Variants in ZNF423 observed in about 807,000 individuals in gnomAD.
The protein encoded by ZNF423 is zinc finger protein 423.
In ZNF423, 12 loss-of-function variants were observed where a neutral mutation model predicts 95.8. That is an observed-to-expected ratio of 0.13 (90% CI 0.08 to 0.20). The LOEUF (loss-of-function observed/expected upper bound fraction) is 0.20, where lower values mean the gene tolerates loss of function less well. Ranked by LOEUF, ZNF423 falls within the 10% of genes least tolerant of loss-of-function variation. The probability of loss-of-function intolerance (pLI) is 1.00; values close to 1 mark genes in which losing one functional copy is unlikely to be tolerated. For missense variants in ZNF423, 1,316 were observed against 1,737.1 expected (o/e 0.76, Z 4.31); for synonymous variants, 749 against 711.9 (o/e 1.05, Z -0.83).
At chr16:49,814,028 T>C (rs4076548) in intron 1 of ZNF423, among the ~76,000 whole-genome samples, 111,684 of 152,150 alleles carry the variant, frequency 0.73, 41,097 homozygotes, top group Middle Eastern at 0.77. Context: ...ACTCCCACTT[T>C]TTACTCCTGG....
At chr16:49,625,161 G>A (rs1181087810) in intron 5 of ZNF423, among the ~76,000 whole-genome samples, 4 of 152,176 alleles carry the variant, frequency 2.6e-5, no homozygotes, top group East Asian at 1.9e-4. Flanking sequence ...GGTGGATCAC[G>A]AGGTCAGGAG....
intron 3 of ZNF423, among the ~76,000 whole-genome samples, chr16:49,694,826 G>A (rs1265337958): frequency 6.6e-6 from 1 of 152,194 alleles, no homozygotes; most frequent in Non-Finnish European, 1.5e-5. Context: ...AGAGCCTTGG[G>A]AAATACTTGT....
chr16:49,762,725 G>A (rs1241748194), intron 2 of ZNF423, among the ~76,000 whole-genome samples: 1 of 152,174 alleles, frequency 6.6e-6, no homozygotes, highest in Non-Finnish European at 1.5e-5. Flanking sequence ...TCCGCTCTCG[G>A]GAACGGCCTA....
intron 1 of ZNF423, among the ~76,000 whole-genome samples, chr16:49,840,021 C>G (rs907214577): frequency 2.0e-5 from 3 of 152,222 alleles, no homozygotes. Flanking sequence ...GTGGTGGCCA[C>G]AGCACCTTGA....
chr16:49,516,788 A>G (rs1331170254), intron 7 of ZNF423, among the ~76,000 whole-genome samples: 2 of 152,314 alleles, frequency 1.3e-5, no homozygotes, highest in African/African-American at 4.8e-5. Context: ...GCCACAGCTC[A>G]CTGGAGCAGG....
At chr16:49,531,950 G>T (rs907858110) in intron 5 of ZNF423, among the ~76,000 whole-genome samples, 1 of 152,166 alleles carries the variant, frequency 6.6e-6, no homozygotes, top group Admixed American at 6.5e-5. Context: ...CCGTGTTTGG[G>T]GCGTCCATTA....
At chr16:49,771,908 G>T (rs2034042144) in intron 2 of ZNF423, among the ~76,000 whole-genome samples, 1 of 152,144 alleles carries the variant, frequency 6.6e-6, no homozygotes, top group African/African-American at 2.4e-5. Flanking sequence ...CTTAGCCAGG[G>T]TTCTCCCAAG....
chr16:49,559,204 T>C (rs932027519), intron 5 of ZNF423, among the ~76,000 whole-genome samples: 3 of 152,276 alleles, frequency 2.0e-5, no homozygotes, highest in African/African-American at 7.2e-5. Flanking sequence ...TACTGACTTA[T>C]CTGTGGCTTG....
At chr16:49,665,260 T>C (rs943326242) in intron 3 of ZNF423, among the ~76,000 whole-genome samples, 1 of 152,196 alleles carries the variant, frequency 6.6e-6, no homozygotes, top group African/African-American at 2.4e-5. Flanking sequence ...AATTCACCCA[T>C]TTAGTTATTC....
chr16:49,494,971 T>C (rs987255266), intron 7 of ZNF423, among the ~76,000 whole-genome samples: 3 of 151,902 alleles, frequency 2.0e-5, no homozygotes, highest in Non-Finnish European at 4.4e-5. Context: ...TTTAGCCCCT[T>C]TAGAGAAGGA....
At position 49,855,013 on chromosome 16, in the gene ZNF423, G is replaced by C; in HGVS notation, c.40+722C>G. ...CGCACCGCGGCCGCTGAGCTCCCCTGAGGACCTGCGTCCCGCCGGCGCCGT... is the reference window on the plus strand; with the variant it reads ...CGCACCGCGGCCGCTGAGCTCCCCTCAGGACCTGCGTCCCGCCGGCGCCGT... On this transcript the variant is annotated intron_variant, in intron 1 of 7. Transcript: ENST00000563137. This position sits in a 1 kb window ranked among gnomAD's most constrained non-coding sequence, Gnocchi z 4.7. The C allele has an allele frequency of 1.0e-6, 1 of 984,952 alleles. No individual in the cohort carries two copies. Among genetic ancestry groups the C allele is most frequent in the Non-Finnish European group, 1.2e-6 (1 of 829,718 alleles). The allele number at this position is 984,952 out of a possible 1,614,324, so 61.0% of individuals were successfully genotyped here.
At position 49,654,880 on chromosome 16, in the gene ZNF423, T is replaced by C. The variant is rs115659165; in HGVS notation, c.302-16006A>G. 4.6e-3 allele frequency among the ~76,000 whole-genome samples: 694 copies of C among 152,302 alleles called. 6 individuals carry two copies. The highest frequency in any genetic ancestry group is 0.016 in the African/African-American group (671 of 41,554). On this transcript the variant is annotated intron_variant, in intron 3 of 7. Transcript: ENST00000563137. ...AGAACACAGCAGCTCATGTCTGGAA[T>C]AGTGTGAGCATGGAATTTTCTTCGG...
intron 6 of ZNF423, 57 bp downstream of exon 6, chr16:49,525,306 G>GTTA (rs1208069989): frequency 4.7e-5 from 75 of 1,600,444 alleles, no homozygotes; most frequent in Non-Finnish European, 6.2e-5. Context: ...CGCAATAACA[G>GTTA]GGCAGGGCTC....
intron 3 of ZNF423, among the ~76,000 whole-genome samples, chr16:49,710,477 T>C (rs2032508226): frequency 6.6e-6 from 1 of 152,236 alleles, no homozygotes; most frequent in Non-Finnish European, 1.5e-5. Flanking sequence ...TAAGAAGCAC[T>C]GCCTGAAGTC....
intron 2 of ZNF423, among the ~76,000 whole-genome samples, chr16:49,761,188 A>G (rs1480435659): frequency 6.6e-6 from 1 of 152,206 alleles, no homozygotes; most frequent in East Asian, 1.9e-4. Flanking sequence ...AAAGGGAGAC[A>G]ATGACAATGT....
At chr16:49,640,638 C>T (rs1014198395) in intron 3 of ZNF423, 1 of 151,532 alleles carries the variant, frequency 6.6e-6, no homozygotes, top group Non-Finnish European at 1.5e-5. Context: ...ACCTGACCCC[C>T]CTGGCACCAT....
chr16:49,810,728 G>A (rs567909782), intron 1 of ZNF423, among the ~76,000 whole-genome samples: 248 of 152,304 alleles, frequency 1.6e-3, no homozygotes, highest in African/African-American at 5.8e-3. Flanking sequence ...AGTACTCAGG[G>A]AAAAATAAAA....
chr16:49,771,690 C>G (rs945601045), intron 2 of ZNF423, among the ~76,000 whole-genome samples: 3 of 152,202 alleles, frequency 2.0e-5, no homozygotes, highest in African/African-American at 7.2e-5. Flanking sequence ...TTGCCTGACA[C>G]CATGTAAGAC....
At chr16:49,677,753 C>CA (rs776853564) in intron 3 of ZNF423, among the ~76,000 whole-genome samples, 6,514 of 84,564 alleles carry the variant, frequency 0.077, 292 homozygotes, top group African/African-American at 0.15. Flanking sequence ...GACCCTGTCT[C>CA]AAAAAAAAAA....
Sources: allele counts gnomAD v4.1 joint callset (sites outside exome capture counted in the v4.1 genomes callset), GRCh38; gene constraint gnomAD v4.1.1; non-coding constraint Gnocchi (gnomAD v3.1); transcripts MANE v1.5; gene names NCBI Gene and HGNC (gene_info 2026-07-23, HGNC 2026-07-21).